ZFAT: variants seen among roughly 807,000 people sequenced by gnomAD.
ZFAT encodes the protein zinc finger and AT-hook domain containing, also known as zinc finger protein ZFAT.
ZFAT carries 64 observed loss-of-function variants against 117.7 expected under a neutral mutation model. The ratio of observed to expected loss-of-function variants is 0.54; its 90% CI spans 0.44 to 0.67. The LOEUF is 0.67. Ranked by LOEUF, ZFAT falls within the 30% of genes least tolerant of loss-of-function variation. The pLI, the probability that ZFAT is intolerant of heterozygous loss-of-function variation, is 0.00. For missense variants in ZFAT, 1,433 were observed against 1,584.5 expected (o/e 0.90, Z 1.62); for synonymous variants, 679 against 615.0 (o/e 1.10, Z -1.54).
intron 11 of ZFAT, among the ~76,000 whole-genome samples, chr8:134,546,310 G>A (rs1399801455): frequency 1.3e-5 from 2 of 152,320 alleles, no homozygotes; most frequent in African/African-American, 4.8e-5. Context: ...TGCTTCCCGA[G>A]GGGTTTTGGT....
intron 11 of ZFAT, among the ~76,000 whole-genome samples, chr8:134,538,704 C>T (rs114280724): frequency 0.017 from 2,472 of 148,510 alleles, 67 homozygotes; most frequent in African/African-American, 0.058. Context: ...GGTTGAGGCA[C>T]GAGAATTGCT....
At chr8:134,819,102 C>G in the ZFAT span, among the ~76,000 whole-genome samples, 1 of 152,012 alleles carries the variant, frequency 6.6e-6, no homozygotes, top group Admixed American at 6.6e-5. Flanking sequence ...TAGAGACTTG[C>G]CGAAAGTGTT....
intron 1 of ZFAT, among the ~76,000 whole-genome samples, chr8:134,683,881 CCT>C (rs1833190434): frequency 6.6e-6 from 1 of 151,876 alleles, no homozygotes. Context: ...GTTGGAATCC[CCT>C]GATTTTTAAG....
chr8:134,810,187 C>A, the ZFAT span, among the ~76,000 whole-genome samples: 1 of 152,158 alleles, frequency 6.6e-6, no homozygotes, highest in Admixed American at 6.5e-5. Context: ...GAGGGTAGCA[C>A]TATATAAACG....
At chr8:134,541,718 T>C (rs1489550013) in intron 11 of ZFAT, among the ~76,000 whole-genome samples, 1 of 152,186 alleles carries the variant, frequency 6.6e-6, no homozygotes, top group Non-Finnish European at 1.5e-5. Flanking sequence ...GCAGGATCAA[T>C]CAACCATGAT....
chr8:134,590,551 TCAC>T (rs35087145), intron 7 of ZFAT, among the ~76,000 whole-genome samples, 196 bp from the exon 8 acceptor site: 27,167 of 148,916 alleles, frequency 0.18, 2,561 homozygotes, highest in Admixed American at 0.26. Flanking sequence ...TCAACAGTCA[TCAC>T]CACCATCACT....
chr8:134,520,645 C>A (rs771695950), intron 13 of ZFAT, among the ~76,000 whole-genome samples: 2 of 152,132 alleles, frequency 1.3e-5, no homozygotes, highest in African/African-American at 2.4e-5. Flanking sequence ...GAGGTCAACA[C>A]AAACTTTCAC....
chr8:134,619,379 T>A (rs1213021413), intron 3 of ZFAT, among the ~76,000 whole-genome samples: 2 of 152,204 alleles, frequency 1.3e-5, no homozygotes, highest in African/African-American at 4.8e-5. Context: ...AAACCGTAAG[T>A]CCACCCATTG....
chr8:134,816,556 C>T, the ZFAT span, among the ~76,000 whole-genome samples: 1 of 151,018 alleles, frequency 6.6e-6, no homozygotes, highest in Non-Finnish European at 1.5e-5. Context: ...TTAAAGGATA[C>T]GTCTAAAAAT....
At chr8:134,555,595 G>A (rs1338524108) in intron 11 of ZFAT, among the ~76,000 whole-genome samples, 1 of 151,874 alleles carries the variant, frequency 6.6e-6, no homozygotes, top group Non-Finnish European at 1.5e-5. Flanking sequence ...CACATATAAT[G>A]TCTGGCATTC....
chr8:134,495,682 C>T (rs372444026), intron 15 of ZFAT, among the ~76,000 whole-genome samples: 61 of 152,220 alleles, frequency 4.0e-4, no homozygotes, highest in African/African-American at 1.4e-3. Context: ...GTAATCCCAA[C>T]ACTTCAGGAG....
the ZFAT span, among the ~76,000 whole-genome samples, chr8:134,748,388 G>C: frequency 5.9e-5 from 9 of 152,186 alleles, 1 homozygote; most frequent in East Asian, 1.7e-3. Context: ...ATTATTCTTT[G>C]AAACTTAATT....
chr8:134,742,191 T>C, the ZFAT span, among the ~76,000 whole-genome samples: 1,170 of 151,822 alleles, frequency 7.7e-3, 7 homozygotes, highest in Non-Finnish European at 0.014. Context: ...TTACTTTAAG[T>C]TCTGGGATAC....
chr8:134,575,597 G>C (rs1436061564), intron 10 of ZFAT, among the ~76,000 whole-genome samples: 1 of 152,178 alleles, frequency 6.6e-6, no homozygotes, highest in Admixed American at 6.5e-5. Context: ...ATTTGTTACA[G>C]GAGTCACGGG....
rs550947193 is a variant in ZFAT at position 134,494,465 on chromosome 8, C to T, written c.3492+15154G>A. Reference sequence around the variant, plus strand: ...ACTGTCTCGGTGCCTGCTGGGGAAGCGCCTGGCTCCTTTCCTCAGCTGACG... The same window carrying T: ...ACTGTCTCGGTGCCTGCTGGGGAAGTGCCTGGCTCCTTTCCTCAGCTGACG... On this transcript the variant is annotated intron_variant, in intron 15 of 15. Transcript: ENST00000377838. 2.4e-4 allele frequency among the ~76,000 whole-genome samples: 37 copies of T among 152,294 alleles called. 1 individual carries two copies. The highest frequency in any genetic ancestry group is 4.3e-4 in the African/African-American group (18 of 41,564).
chr8:134,712,162 G>A (rs1041353028), intron 1 of ZFAT, among the ~76,000 whole-genome samples: 3 of 152,322 alleles, frequency 2.0e-5, no homozygotes, highest in East Asian at 3.9e-4. Flanking sequence ...CAAGTTGGAG[G>A]AAGTTAATTT....
intron 11 of ZFAT, among the ~76,000 whole-genome samples, chr8:134,558,283 C>T (rs1268056977): frequency 6.6e-6 from 1 of 152,216 alleles, no homozygotes; most frequent in Non-Finnish European, 1.5e-5. Context: ...CCAGGAATGG[C>T]TTGGCAGGGC....
At chr8:134,488,599 T>G (rs1467828898) in intron 15 of ZFAT, among the ~76,000 whole-genome samples, 1 of 152,214 alleles carries the variant, frequency 6.6e-6, no homozygotes, top group Non-Finnish European at 1.5e-5. Context: ...AGGCCCTCTC[T>G]TCTGTCCACT....
intron 7 of ZFAT, among the ~76,000 whole-genome samples, chr8:134,597,091 C>T (rs1338952981): frequency 4.6e-5 from 7 of 151,860 alleles, no homozygotes; most frequent in African/African-American, 1.2e-4. Context: ...AAAAAATCCA[C>T]GTTAACTGTC....
Sources: gnomAD v4.1 joint callset for allele counts (sites outside exome capture counted in the v4.1 genomes callset) on GRCh38, gnomAD v4.1.1 for gene constraint, MANE v1.5 for transcripts, NCBI Gene and HGNC (gene_info 2026-07-23, HGNC 2026-07-21) for gene names.